The following RPN2 variants were observed in gnomAD, a reference collection of about 807,000 sequenced individuals.
RPN2 encodes ribophorin II.
Under a neutral mutation model 71.4 loss-of-function variants are expected in RPN2, and 29 were observed. The ratio of observed to expected loss-of-function variants is 0.41; its 90% confidence interval spans 0.30 to 0.55. RPN2 has a LOEUF of 0.55. Among genes scored for constraint, RPN2 ranks in the 20% least tolerant of loss-of-function variants. RPN2 has a pLI of 0.35. For missense variants in RPN2, 726 were observed against 774.1 expected (o/e 0.94, Z 0.74); for synonymous variants, 308 against 305.0 (o/e 1.01, Z -0.10).
intron 4 of RPN2, 57 bp downstream of exon 4, chr20:37,199,282 G>C: frequency 1.3e-6 from 2 of 1,593,406 alleles, no homozygotes. Context: ...CCTATCCGAA[G>C]AGGGCTCATT....
chr20:37,202,387 G>A (rs182697354), intron 4 of RPN2, among the ~76,000 whole-genome samples: 14 of 152,282 alleles, frequency 9.2e-5, no homozygotes, highest in Admixed American at 8.5e-4. Context: ...TTCCCATGGA[G>A]AGAATCTAAA....
chr20:37,237,963 G>A (rs1389802276), intron 16 of RPN2, among the ~76,000 whole-genome samples: 3 of 152,162 alleles, frequency 2.0e-5, no homozygotes, highest in East Asian at 1.9e-4. Context: ...AGGCTAAGGC[G>A]GGAGGATCGC....
intron 4 of RPN2, 108 bp downstream of exon 4, chr20:37,199,333 A>G: frequency 7.2e-7 from 1 of 1,383,714 alleles, no homozygotes; most frequent in Non-Finnish European, 1.0e-6. Context: ...TACTTGCAGT[A>G]AATACTTCCG....
Position 37,179,340 on chromosome 20 carries a change from G to C in RPN2, c.-17G>C. 1 of 1,535,076 alleles carries C rather than the reference G, an allele frequency of 6.5e-7. No homozygotes were observed. The highest frequency in any genetic ancestry group is 1.2e-5 in the South Asian group (1 of 83,880). ...GTCAGCCCGCGGCTCGGACTCCGGC[G>C]GGACCTGCTCGGAGGAATGGCGCCG... On this transcript the variant is annotated 5_prime_UTR_variant, in exon 1 of 17. Coordinates refer to ENST00000237530, the MANE Select transcript of RPN2 (RefSeq NM_002951.5).
intron 6 of RPN2, among the ~76,000 whole-genome samples, chr20:37,206,748 G>A (rs552108496): frequency 1.5e-4 from 23 of 151,908 alleles, no homozygotes; most frequent in African/African-American, 4.8e-4. Context: ...TTTCTCTGTC[G>A]CCCAGGTTGG....
chr20:37,232,434 A>G (rs1426952898), intron 14 of RPN2, 43 bp downstream of exon 14: 19 of 1,606,924 alleles, frequency 1.2e-5, no homozygotes, highest in South Asian at 9.9e-5. Flanking sequence ...GTCTGGCGCC[A>G]GACCCAGCAG....
chr20:37,179,476 G>A, intron 1 of RPN2, 107 bp downstream of exon 1: 1 of 1,426,100 alleles, frequency 7.0e-7, no homozygotes, highest in South Asian at 1.5e-5. Context: ...GCGGGACAGG[G>A]GCATGGGCAC....
intron 16 of RPN2, among the ~76,000 whole-genome samples, chr20:37,237,072 A>AT (rs767905953): frequency 2.6e-5 from 4 of 151,898 alleles, no homozygotes; most frequent in Non-Finnish European, 5.9e-5. Flanking sequence ...CACCCTCAAC[A>AT]TGTCCCCGAG....
chr20:37,202,116 C>T (rs1600772488), intron 4 of RPN2, among the ~76,000 whole-genome samples: 1 of 152,160 alleles, frequency 6.6e-6, no homozygotes, highest in South Asian at 2.1e-4. Context: ...GTTACCAGCA[C>T]GGCACTCTCT....
intron 8 of RPN2, among the ~76,000 whole-genome samples, chr20:37,211,959 A>G (rs1458008442): frequency 1.3e-5 from 2 of 151,974 alleles, no homozygotes; most frequent in Non-Finnish European, 2.9e-5. Context: ...GCTGGTCTTG[A>G]ACTGCCTCAG....
intron 4 of RPN2, among the ~76,000 whole-genome samples, chr20:37,202,957 ACT>A (rs2146580233): frequency 6.6e-6 from 1 of 152,238 alleles, no homozygotes; most frequent in African/African-American, 2.4e-5. Flanking sequence ...ACAGGGTCTC[ACT>A]CTGTCACTTA....
chr20:37,220,320 T>A (rs1407986045), intron 9 of RPN2, among the ~76,000 whole-genome samples: 2 of 152,114 alleles, frequency 1.3e-5, no homozygotes, highest in East Asian at 3.9e-4. Context: ...GTCCTGTTTG[T>A]CCTCCCAAGA....
chr20:37,181,666 G>T (rs1310921410), intron 1 of RPN2, among the ~76,000 whole-genome samples: 1 of 152,140 alleles, frequency 6.6e-6, no homozygotes. Context: ...TGATCCCCCT[G>T]CCTTGGCCTC....
chr20:37,207,200 T>C, intron 6 of RPN2, 73 bp from the exon 7 acceptor site: 1 of 1,246,690 alleles, frequency 8.0e-7, no homozygotes. Context: ...AAGGGTGACT[T>C]TCCTCTACAG....
chr20:37,231,728 A>C (rs1269509756), intron 13 of RPN2, among the ~76,000 whole-genome samples: 1 of 151,914 alleles, frequency 6.6e-6, no homozygotes, highest in Non-Finnish European at 1.5e-5. Context: ...AAAAAGAAAA[A>C]GAAATGAGAG....
At position 37,199,153 on chromosome 20, in the gene RPN2, G is replaced by A. The variant is rs751458474; in HGVS notation, c.407G>A (p.Gly136Asp). ...YHAVAALSGF[G>D]LPLASQEALS... The stretch of plus-strand genomic sequence containing the variant: ...GCAGTTGCAGCTCTAAGTGGCTTTG[G>A]CCTTCCCTTGGCATCCCAAGAAGCA... The change falls in exon 4 of 17, where the codon GGC becomes GAC. Residue 136 changes from glycine to aspartate, a missense_variant. Transcript: ENST00000237530. The A allele has an allele frequency of 1.2e-6, 2 of 1,614,184 alleles. No homozygotes were observed. Among genetic ancestry groups the A allele is most frequent in the South Asian group, 2.2e-5 (2 of 91,078 alleles).
chr20:37,183,742 T>A (rs1454014197), intron 1 of RPN2, among the ~76,000 whole-genome samples: 1 of 152,124 alleles, frequency 6.6e-6, no homozygotes, highest in Non-Finnish European at 1.5e-5. Flanking sequence ...AAGTAAAAAT[T>A]AAGCCAAGTT....
chr20:37,214,246 T>A (rs1252401899), intron 9 of RPN2, among the ~76,000 whole-genome samples: 2 of 152,152 alleles, frequency 1.3e-5, no homozygotes, highest in Non-Finnish European at 1.5e-5. Flanking sequence ...GCCAAATAGG[T>A]GACAAAAAGC....
At chr20:37,182,687 C>A (rs1568956565) in intron 1 of RPN2, among the ~76,000 whole-genome samples, 1 of 152,118 alleles carries the variant, frequency 6.6e-6, no homozygotes, top group Non-Finnish European at 1.5e-5. Context: ...GAGCCAGTGC[C>A]GCTGGCCAAT....
Sources: allele counts gnomAD v4.1 joint callset (sites outside exome capture counted in the v4.1 genomes callset), GRCh38; gene constraint gnomAD v4.1.1; transcripts MANE v1.5; gene names NCBI Gene and HGNC (gene_info 2026-07-23, HGNC 2026-07-21).